Variants in EPHA6 observed in about 807,000 individuals in gnomAD.
The protein encoded by EPHA6 is ephrin type-A receptor 6.
In EPHA6, 50 loss-of-function variants were observed where a neutral mutation model predicts 112.0. That is an observed-to-expected ratio of 0.45 (90% CI 0.36 to 0.56). The LOEUF (loss-of-function observed/expected upper bound fraction) is 0.56. EPHA6 is among the 20% of genes least tolerant of loss of function. The pLI, the probability that EPHA6 is intolerant of heterozygous loss-of-function variation, is 0.00. For synonymous variants in EPHA6, 529 were observed against 490.7 expected, an observed-to-expected ratio of 1.08 and a Z score of -1.03; for missense variants, 1,280 against 1,417.4, an observed-to-expected ratio of 0.90 and a Z score of 1.56.
At chr3:97,386,570 C>T (rs1251998386) in intron 5 of EPHA6, among the ~76,000 whole-genome samples, 1 of 152,178 alleles carries the variant, frequency 6.6e-6, no homozygotes, top group Non-Finnish European at 1.5e-5. Context: ...TGTGGCTTTG[C>T]AAGGTACAGC....
intron 2 of EPHA6, among the ~76,000 whole-genome samples, chr3:96,925,127 A>C (rs1178218623): frequency 3.9e-5 from 6 of 151,942 alleles, no homozygotes; most frequent in Non-Finnish European, 8.8e-5. Flanking sequence ...TGATAGGTAT[A>C]TATGTTTTGG....
At chr3:97,437,394 G>C (rs2089908835) in intron 6 of EPHA6, among the ~76,000 whole-genome samples, 2 of 151,904 alleles carry the variant, frequency 1.3e-5, no homozygotes, top group African/African-American at 4.8e-5. Context: ...TCGTTATAAT[G>C]GTTTAACTTT....
At chr3:96,890,461 G>T (rs952334747) in intron 2 of EPHA6, among the ~76,000 whole-genome samples, 1 of 152,098 alleles carries the variant, frequency 6.6e-6, no homozygotes, top group Non-Finnish European at 1.5e-5. Flanking sequence ...TAGAAGGATT[G>T]ATAGATATGT....
intron 2 of EPHA6, among the ~76,000 whole-genome samples, chr3:96,975,146 A>G (rs899801864): frequency 1.3e-5 from 2 of 152,146 alleles, no homozygotes; most frequent in Non-Finnish European, 2.9e-5. Context: ...GGGGTGGTCT[A>G]TAAGTACCAG....
chr3:96,908,436 G>T (rs574400322), intron 2 of EPHA6, among the ~76,000 whole-genome samples: 1 of 152,014 alleles, frequency 6.6e-6, no homozygotes, highest in East Asian at 1.9e-4. Flanking sequence ...ACAAAGTACT[G>T]ATCTGTATAG....
intron 1 of EPHA6, among the ~76,000 whole-genome samples, chr3:96,849,233 A>G (rs773352854): frequency 2.5e-4 from 38 of 152,172 alleles, no homozygotes; most frequent in Admixed American, 3.3e-4. Flanking sequence ...CAAAGGTAAT[A>G]GCATAAAAAG....
intron 13 of EPHA6, among the ~76,000 whole-genome samples, chr3:97,627,721 T>C (rs1429990391): frequency 1.3e-5 from 2 of 151,898 alleles, no homozygotes; most frequent in East Asian, 3.9e-4. Flanking sequence ...AGAAGAATAG[T>C]AAAAGATAAA....
At chr3:97,559,734 T>C (rs2093162862) in intron 11 of EPHA6, 3 of 418,408 alleles carry the variant, frequency 7.2e-6, no homozygotes, top group Admixed American at 5.8e-5. Flanking sequence ...TTTGCATGGA[T>C]AGACTTGCTT....
chr3:97,356,068 TC>T (rs1006311374), intron 5 of EPHA6, among the ~76,000 whole-genome samples: 2 of 152,182 alleles, frequency 1.3e-5, no homozygotes, highest in African/African-American at 4.8e-5. Flanking sequence ...TTACAGCTGC[TC>T]CCCATCACTA....
intron 13 of EPHA6, among the ~76,000 whole-genome samples, chr3:97,637,259 TAAC>T (rs1218701119): frequency 1.3e-5 from 2 of 152,210 alleles, no homozygotes; most frequent in Non-Finnish European, 2.9e-5. Context: ...TGTCAATTGC[TAAC>T]AACTTTTCTG....
intron 5 of EPHA6, among the ~76,000 whole-genome samples, chr3:97,337,784 A>T (rs2108847104): frequency 6.6e-6 from 1 of 152,298 alleles, no homozygotes; most frequent in South Asian, 2.1e-4. Context: ...TTATTAAAAT[A>T]AAATTCAAGG....
At position 97,564,706 on chromosome 3, in the gene EPHA6, G is replaced by A. The variant is rs116444827; in HGVS notation, c.2387-27906G>A. Among the ~76,000 whole-genome samples the A allele has an allele frequency of 3.7e-3, 562 of 152,202 alleles. 4 individuals carry two copies. The highest frequency in any genetic ancestry group is 0.013 in the African/African-American group (543 of 41,554). On this transcript the variant is annotated intron_variant, in intron 11 of 17. Transcript: ENST00000389672. ...TATACATGGGAAAAGAAAAGAAGAT[G>A]TGAATTGCAACATTTTGTTGGGTTT...
chr3:97,585,692 G>T (rs1032976395), intron 11 of EPHA6, among the ~76,000 whole-genome samples: 1 of 151,020 alleles, frequency 6.6e-6, no homozygotes, highest in Non-Finnish European at 1.5e-5. Context: ...GGGTTAGTGT[G>T]CAGGTAAAGA....
intron 2 of EPHA6, among the ~76,000 whole-genome samples, chr3:96,922,892 G>C (rs2039844923): frequency 6.6e-6 from 1 of 152,150 alleles, no homozygotes; most frequent in Admixed American, 6.5e-5. Context: ...TGTTAAGTAA[G>C]AACATGCAGT....
At chr3:96,833,637 A>G (rs905770493) in intron 1 of EPHA6, among the ~76,000 whole-genome samples, 2 of 152,040 alleles carry the variant, frequency 1.3e-5, no homozygotes, top group East Asian at 3.9e-4. Context: ...AAAGAGATCT[A>G]GCTGAAGAAA....
At chr3:97,707,726 G>C (rs1013526473) in intron 14 of EPHA6, among the ~76,000 whole-genome samples, 1 of 152,106 alleles carries the variant, frequency 6.6e-6, no homozygotes, top group Non-Finnish European at 1.5e-5. Flanking sequence ...CCCACACGTC[G>C]AGGGAGGGAC....
intron 3 of EPHA6, among the ~76,000 whole-genome samples, chr3:97,174,281 T>A (rs551894421): frequency 6.6e-6 from 1 of 152,096 alleles, no homozygotes; most frequent in East Asian, 1.9e-4. Context: ...TACTACATTT[T>A]CTTTATCCAT....
chr3:96,936,597 T>C (rs1157482704), intron 2 of EPHA6, among the ~76,000 whole-genome samples: 2 of 151,804 alleles, frequency 1.3e-5, no homozygotes, highest in South Asian at 2.1e-4. Flanking sequence ...ATGTTCTTTT[T>C]TTAATTTAAT....
At chr3:97,583,396 G>A (rs1173437718) in intron 11 of EPHA6, among the ~76,000 whole-genome samples, 2 of 152,074 alleles carry the variant, frequency 1.3e-5, no homozygotes, top group Admixed American at 6.6e-5. Context: ...AAAATTAGCT[G>A]AGCGTGGTGG....
Sources: allele counts gnomAD v4.1 joint callset (sites outside exome capture counted in the v4.1 genomes callset), GRCh38; gene constraint gnomAD v4.1.1; transcripts MANE v1.5; gene names NCBI Gene and HGNC (gene_info 2026-07-23, HGNC 2026-07-21).